Variants in ZNF33A observed in about 807,000 individuals in gnomAD.
ZNF33A encodes zinc finger protein 33A.
ZNF33A carries 9 observed loss-of-function variants against 15.9 expected under a neutral mutation model. That is an observed-to-expected ratio of 0.57 (90% CI 0.34 to 0.99). ZNF33A has a LOEUF of 0.99. Among genes scored for constraint, ZNF33A ranks in the 50% least tolerant of loss-of-function variants. The pLI is 0.02. For synonymous variants in ZNF33A, 294 were observed against 324.2 expected, an observed-to-expected ratio of 0.91 and a Z score of 1.00; for missense variants, 843 against 941.6, an observed-to-expected ratio of 0.90 and a Z score of 1.37.
rs2066394970 is a variant in ZNF33A, at chr10:38,054,961, T to C, written c.837T>C (p.Asp279=). 2 of 1,614,102 alleles carry C rather than the reference T, an allele frequency of 1.2e-6. No individual in the cohort carries two copies. Among genetic ancestry groups the C allele is most frequent in the African/African-American group, 1.3e-5 (1 of 75,058 alleles). Residue 279 remains aspartate (D), a synonymous_variant, in exon 5 of 5, where the codon GAT becomes GAC. Coordinates refer to ENST00000432900, the MANE Select transcript of ZNF33A (RefSeq NM_006954.2). ...GGGACAATCACTATGAATTTAGTGA[T>C]TGTGAGAAGTTCTTATGTGTGAAGT... is the stretch of plus-strand genomic sequence containing the variant. ...PSRDNHYEFS[D]CEKFLCVKST...
At chr10:38,064,181 T>C (rs1287479462), downstream of ZNF33A, 22 of 1,480,754 alleles carry the variant, frequency 1.5e-5, no homozygotes, top group Admixed American at 1.9e-5. Context: ...GGAAGATCCA[T>C]GGCCTTCCCT....
chr10:38,032,274 TACATAA>T (rs2065246906), intron 4 of ZNF33A, among the ~76,000 whole-genome samples: 5 of 152,140 alleles, frequency 3.3e-5, no homozygotes, highest in Non-Finnish European at 7.4e-5. Flanking sequence ...GTAAGAACAA[TACATAA>T]TATCAGTTGT....
chr10:38,059,931 C>T lies in ZNF33A; in HGVS notation c.*3371C>T, dbSNP rs1224561740. On this transcript the variant is annotated 3_prime_UTR_variant, in exon 5 of 5. Transcript: ENST00000432900. ...TGCAAGATGTTAATGATTGGGGAGC[C>T]TGTGGAAGATGGGAGGGGAAAGGGT... The T allele has an allele frequency of 8.2e-6, 2 of 243,896 alleles. No homozygotes were observed. The highest frequency in any genetic ancestry group is 1.3e-4 in the Admixed American group (2 of 15,364). The allele number at this position is 243,896 out of a possible 1,614,324, so 15.1% of individuals were successfully genotyped here.
chr10:38,062,372 T>G (rs971598248), downstream of ZNF33A, among the ~76,000 whole-genome samples: 1 of 152,194 alleles, frequency 6.6e-6, no homozygotes, highest in African/African-American at 2.4e-5. Flanking sequence ...TCTTGGAAAT[T>G]TGGCATTTGG....
At chr10:38,049,588 GTATT>G (rs2066104732) in intron 4 of ZNF33A, among the ~76,000 whole-genome samples, 1 of 152,080 alleles carries the variant, frequency 6.6e-6, no homozygotes, top group Admixed American at 6.5e-5. Context: ...ATATGTGTAT[GTATT>G]TATGTATATG....
At chr10:38,061,953 T>TCAAAA (rs367816410), downstream of ZNF33A, among the ~76,000 whole-genome samples, 12 of 152,226 alleles carry the variant, frequency 7.9e-5, no homozygotes, top group Admixed American at 4.6e-4. Flanking sequence ...CAAGACCGTC[T>TCAAAA]CAAAACAAAA....
chr10:38,020,377 C>G (rs1411427927), intron 4 of ZNF33A, among the ~76,000 whole-genome samples: 1 of 152,008 alleles, frequency 6.6e-6, no homozygotes, highest in Non-Finnish European at 1.5e-5. Context: ...CTCTTTTAGT[C>G]ACTTCAAAAT....
rs1337622725 is a variant in ZNF33A, at chr10:38,059,790, A to C, written c.*3230A>C. The C allele has an allele frequency of 6.6e-6, 1 of 152,296 alleles. No individual in the cohort carries two copies. The highest frequency in any genetic ancestry group is 1.5e-5 in the Non-Finnish European group (1 of 68,132). 9.4% of individuals were successfully genotyped at this position (152,296 alleles called of 1,614,324 possible). On this transcript the variant is annotated 3_prime_UTR_variant, in exon 5 of 5. Transcript: ENST00000432900. ...GGTACTGTAATTTGTCAAAACGCAG[A>C]GAATGGAAAACAGTGAACGGAAAAC...
intron 4 of ZNF33A, among the ~76,000 whole-genome samples, chr10:38,038,551 G>C (rs1305761448): frequency 6.6e-6 from 1 of 152,204 alleles, no homozygotes; most frequent in Admixed American, 6.5e-5. Flanking sequence ...TGCAAATACA[G>C]ATAGTTTCAC....
At chr10:38,019,750 T>C (rs960878214) in intron 4 of ZNF33A, among the ~76,000 whole-genome samples, 1 of 152,124 alleles carries the variant, frequency 6.6e-6, no homozygotes, top group African/African-American at 2.4e-5. Flanking sequence ...CTAAATAGAA[T>C]GGAAATAACA....
At chr10:38,010,543 G>C, upstream of ZNF33A, 1 of 731,896 alleles carries the variant, frequency 1.4e-6, no homozygotes, top group Non-Finnish European at 2.4e-6. Flanking sequence ...ACTGCCTAGC[G>C]GGGCACTTCT....
chr10:38,056,513 T>A lies in ZNF33A; in HGVS notation c.2389T>A (p.Tyr797Asn). 2.5e-6 allele frequency: 4 copies of A among 1,602,996 alleles called. No homozygotes were observed. Among genetic ancestry groups the A allele is most frequent in the South Asian group, 1.1e-5 (1 of 89,262 alleles). Residue 797 changes from tyrosine (Y) to asparagine (N), a missense_variant, in exon 5 of 5, where the codon TAT (tyrosine) becomes AAT (asparagine). Tyr to Asn is a moderately radical substitution (Grantham distance 143). Coordinates refer to ENST00000432900, the MANE Select transcript of ZNF33A (RefSeq NM_006954.2). ...PQVSLHNASEYSHCGESPDDI... is the reference protein window; with the variant it reads ...PQVSLHNASENSHCGESPDDI... ...AGTCAGCCTCCATAATGCCTCAGAGTATTCACACTGTGGAGAAAGCCCTGA... is the reference window on the plus strand; with the variant it reads ...AGTCAGCCTCCATAATGCCTCAGAGAATTCACACTGTGGAGAAAGCCCTGA...
At chr10:38,037,383 G>A (rs185371074) in intron 4 of ZNF33A, among the ~76,000 whole-genome samples, 120 of 151,876 alleles carry the variant, frequency 7.9e-4, no homozygotes, top group Admixed American at 2.0e-3. Flanking sequence ...GTGGGCAGTG[G>A]CACGATCTTG....
chr10:38,049,793 T>G (rs676376), intron 4 of ZNF33A, among the ~76,000 whole-genome samples: 150,761 of 152,216 alleles, frequency 0.99, 74,677 homozygotes, highest in Middle Eastern at 1. Flanking sequence ...AAAAACAGTT[T>G]AGAAAATCAG....
intron 4 of ZNF33A, among the ~76,000 whole-genome samples, chr10:38,019,058 A>G (rs941527101): frequency 6.6e-6 from 1 of 151,870 alleles, no homozygotes; most frequent in East Asian, 1.9e-4. Flanking sequence ...ATATGTATAC[A>G]TGTGCCATGT....
At chr10:38,024,501 A>C (rs116510111) in intron 4 of ZNF33A, among the ~76,000 whole-genome samples, 121 of 152,350 alleles carry the variant, frequency 7.9e-4, no homozygotes, top group African/African-American at 2.8e-3. Context: ...CTGTAGGTTT[A>C]ATGGCATTCC....
In ZNF33A at chr10:38,058,563, A is replaced by T. The variant is rs1255814159; in HGVS notation, c.*2003A>T. 1 of 152,218 alleles carries T rather than the reference A, an allele frequency of 6.6e-6. No individual in the cohort carries two copies. Among genetic ancestry groups the T allele is most frequent in the Non-Finnish European group, 1.5e-5 (1 of 68,072 alleles). 9.4% of individuals were successfully genotyped at this position (152,218 alleles called of 1,614,324 possible). On this transcript the variant is annotated 3_prime_UTR_variant, in exon 5 of 5. Transcript: ENST00000432900. ...GAGGCGGGTGGATCACAAGGTCAGG[A>T]GTTCGAGACCAGCCTGGTCAACATG...
Position 38,057,408 on chromosome 10 carries a change from G to C in ZNF33A, c.*848G>C, listed in dbSNP as rs1403916656. On this transcript the variant is annotated 3_prime_UTR_variant, in exon 5 of 5. Coordinates refer to ENST00000432900, the MANE Select transcript of ZNF33A (RefSeq NM_006954.2). ...AGCACATCTGCGAATTATCCCTGAA[G>C]TTCAAAAGACTTATATATGTATAAG... 1 of 985,240 alleles carries C rather than the reference G, an allele frequency of 1.0e-6. No individual in the cohort carries two copies. The highest frequency in any genetic ancestry group is 1.2e-6 in the Non-Finnish European group (1 of 829,926). 61.0% of individuals were successfully genotyped at this position (985,240 alleles called of 1,614,324 possible).
At chr10:38,033,502 CTG>C (rs1263556179) in intron 4 of ZNF33A, among the ~76,000 whole-genome samples, 1 of 152,138 alleles carries the variant, frequency 6.6e-6, no homozygotes, top group African/African-American at 2.4e-5. Context: ...TATGGTGACT[CTG>C]TGTTTAACTT....
Sources: allele counts gnomAD v4.1 joint callset (sites outside exome capture counted in the v4.1 genomes callset), GRCh38; gene constraint gnomAD v4.1.1; transcripts MANE v1.5; gene names NCBI Gene and HGNC (gene_info 2026-07-23, HGNC 2026-07-21).